GMDS: variants seen among roughly 807,000 people sequenced by gnomAD.
GMDS encodes GDP-mannose 4,6-dehydratase.
A neutral mutation model predicts 49.9 loss-of-function variants in GMDS; 20 were observed. The ratio of observed to expected loss-of-function variants is 0.40; its 90% confidence interval spans 0.28 to 0.58. The LOEUF (loss-of-function observed/expected upper bound fraction) is 0.58. Among genes scored for constraint, GMDS ranks in the 20% least tolerant of loss-of-function variants. The pLI, the probability that GMDS is intolerant of heterozygous loss-of-function variation, is 0.42. For missense variants in GMDS, 362 were observed against 481.4 expected (o/e 0.75, Z 2.32); for synonymous variants, 177 against 178.6 (o/e 0.99, Z 0.07).
intron 1 of GMDS, among the ~76,000 whole-genome samples, chr6:2,240,266 C>T (rs376695959): frequency 1.1e-4 from 17 of 152,368 alleles, no homozygotes; most frequent in Non-Finnish European, 1.9e-4. Flanking sequence ...ATACCTCCCA[C>T]ATTCAACTTC....
intron 1 of GMDS, among the ~76,000 whole-genome samples, chr6:2,202,536 G>A (rs889221746): frequency 1.3e-5 from 2 of 150,630 alleles, no homozygotes; most frequent in African/African-American, 2.4e-5. Context: ...AATTCTCTCC[G>A]TGCCTCAGTT....
chr6:2,051,262 C>A (rs1324761347), intron 4 of GMDS, among the ~76,000 whole-genome samples: 5 of 152,174 alleles, frequency 3.3e-5, no homozygotes, highest in African/African-American at 9.7e-5. Flanking sequence ...CTTCAGGTCT[C>A]CTGTAAGAAC....
At chr6:1,638,929 G>A (rs997895854) in intron 9 of GMDS, among the ~76,000 whole-genome samples, 1 of 152,194 alleles carries the variant, frequency 6.6e-6, no homozygotes, top group Non-Finnish European at 1.5e-5. Flanking sequence ...TCTGGATAGT[G>A]AGAGTGCAGA....
At chr6:2,067,005 T>A (rs1332586583) in intron 4 of GMDS, among the ~76,000 whole-genome samples, 4 of 151,606 alleles carry the variant, frequency 2.6e-5, no homozygotes, top group Non-Finnish European at 5.9e-5. Flanking sequence ...ATTGACCACA[T>A]AGTTGGAAGT....
intron 7 of GMDS, among the ~76,000 whole-genome samples, chr6:1,851,356 G>A (rs946508164): frequency 6.6e-6 from 1 of 152,084 alleles, no homozygotes; most frequent in Admixed American, 6.5e-5. Context: ...TATTGCAACA[G>A]GAAATAAGTT....
intron 4 of GMDS, among the ~76,000 whole-genome samples, chr6:2,048,370 C>T (rs1248414604): frequency 6.6e-6 from 1 of 152,122 alleles, no homozygotes; most frequent in Admixed American, 6.5e-5. Context: ...ACACAAAGTC[C>T]TTAATACTCT....
At chr6:2,233,631 C>A (rs1327328358) in intron 1 of GMDS, among the ~76,000 whole-genome samples, 2 of 152,126 alleles carry the variant, frequency 1.3e-5, no homozygotes, top group Non-Finnish European at 2.9e-5. Flanking sequence ...ACCAGCCTGG[C>A]CAACATGGAG....
At chr6:1,862,905 T>C (rs1758260537) in intron 7 of GMDS, among the ~76,000 whole-genome samples, 1 of 152,176 alleles carries the variant, frequency 6.6e-6, no homozygotes, top group East Asian at 1.9e-4. Context: ...ATATAAAACA[T>C]ACAACTTATA....
chr6:1,913,149 A>C (rs1014278019), intron 7 of GMDS, among the ~76,000 whole-genome samples: 5 of 152,128 alleles, frequency 3.3e-5, no homozygotes, highest in Non-Finnish European at 7.4e-5. Flanking sequence ...TGGGAGGCCG[A>C]GGCGGGCGGA....
chr6:2,083,644 G>A (rs1013320878), intron 4 of GMDS, among the ~76,000 whole-genome samples: 2 of 152,150 alleles, frequency 1.3e-5, no homozygotes, highest in East Asian at 3.8e-4. Context: ...TGAAGGTTAT[G>A]CCTATACCCT....
At chr6:1,688,509 T>C (rs1051951756) in intron 9 of GMDS, among the ~76,000 whole-genome samples, 1 of 152,214 alleles carries the variant, frequency 6.6e-6, no homozygotes, top group African/African-American at 2.4e-5. Flanking sequence ...GTTTCTACAT[T>C]ACATCCTCTC....
chr6:1,968,893 C>T (rs1490979789), intron 4 of GMDS, among the ~76,000 whole-genome samples: 1 of 152,026 alleles, frequency 6.6e-6, no homozygotes, highest in Admixed American at 6.6e-5. Context: ...CATTAAATCC[C>T]CAAGAATCAT....
chr6:1,765,154 A>T (rs1768300494), intron 7 of GMDS, among the ~76,000 whole-genome samples: 1 of 152,204 alleles, frequency 6.6e-6, no homozygotes, highest in South Asian at 2.1e-4. Flanking sequence ...GAAAAAAAAA[A>T]TTTACAACAG....
At chr6:2,241,332 C>T (rs747576617) in intron 1 of GMDS, among the ~76,000 whole-genome samples, 4 of 152,088 alleles carry the variant, frequency 2.6e-5, no homozygotes, top group East Asian at 1.9e-4. Flanking sequence ...GACTTTGAAC[C>T]GTTAAGTTGG....
chr6:1,908,189 C>G (rs113587900), intron 7 of GMDS, among the ~76,000 whole-genome samples: 1 of 152,138 alleles, frequency 6.6e-6, no homozygotes, highest in East Asian at 1.9e-4. Flanking sequence ...GAATGGTTCA[C>G]GTCCGGGCAG....
At chr6:2,198,836 G>A (rs1779385964) in intron 1 of GMDS, among the ~76,000 whole-genome samples, 1 of 152,174 alleles carries the variant, frequency 6.6e-6, no homozygotes, top group African/African-American at 2.4e-5. Context: ...AATTATACTA[G>A]TCTATCTACA....
intron 4 of GMDS, among the ~76,000 whole-genome samples, chr6:1,984,823 C>T (rs1342995777): frequency 6.6e-6 from 1 of 152,132 alleles, no homozygotes; most frequent in African/African-American, 2.4e-5. Flanking sequence ...ACTCTCTGTA[C>T]AGCAATGATG....
chr6:1,859,319 C>G (rs1036453533), intron 7 of GMDS, among the ~76,000 whole-genome samples: 1 of 152,134 alleles, frequency 6.6e-6, no homozygotes. Flanking sequence ...TTACTAAAAT[C>G]TGTTTCATGA....
chr6:2,229,335 G>T (rs746367400), intron 1 of GMDS, among the ~76,000 whole-genome samples: 9 of 149,776 alleles, frequency 6.0e-5, no homozygotes, highest in Non-Finnish European at 1.2e-4. Flanking sequence ...ACTTTGGGAG[G>T]CCAAGATAGG....
Sources: allele counts gnomAD v4.1 joint callset (sites outside exome capture counted in the v4.1 genomes callset), GRCh38; gene constraint gnomAD v4.1.1; transcripts MANE v1.5; gene names NCBI Gene and HGNC (gene_info 2026-07-23, HGNC 2026-07-21).